DACH2: variants seen among roughly 807,000 people sequenced by gnomAD.
DACH2 encodes dachshund family transcription factor 2.
Under a neutral mutation model 35.8 loss-of-function variants are expected in DACH2, and 17 were observed. The observed-to-expected ratio is 0.48, with a 90% confidence interval of 0.33 to 0.71. The LOEUF (loss-of-function observed/expected upper bound fraction) is 0.71. DACH2 is among the 30% of genes least tolerant of loss of function. The pLI, the probability that DACH2 is intolerant of heterozygous loss-of-function variation, is 0.02. For missense variants in DACH2, 469 were observed against 472.7 expected (o/e 0.99, Z 0.07); for synonymous variants, 195 against 177.3 (o/e 1.10, Z -0.79).
At chrX:86,375,445 T>C (rs1406708409) in intron 1 of DACH2, among the ~76,000 whole-genome samples, 1 of 102,630 alleles carries the variant, frequency 9.7e-6, no homozygotes, top group Non-Finnish European at 2.0e-5. Flanking sequence ...AAAAAGTTTG[T>C]TGTGCTTAGA....
chrX:86,274,937 T>A (rs947165879), intron 1 of DACH2, among the ~76,000 whole-genome samples: 3 of 111,923 alleles, frequency 2.7e-5, no homozygotes, highest in African/African-American at 9.7e-5. Context: ...TCATCTTCAA[T>A]GAATACAAAA....
chrX:86,744,355 G>A (rs1378696243), intron 7 of DACH2, among the ~76,000 whole-genome samples: 1 of 110,548 alleles, frequency 9.0e-6, no homozygotes, highest in East Asian at 2.9e-4. Flanking sequence ...CATTTGTGAC[G>A]GTAAGAAAAA....
intron 4 of DACH2, among the ~76,000 whole-genome samples, chrX:86,658,416 A>G (rs187469716): frequency 9.0e-6 from 1 of 111,559 alleles, no homozygotes; most frequent in East Asian, 2.8e-4. Flanking sequence ...AAAAGCAAAT[A>G]TAGGAGTTAG....
chrX:86,767,926 TTTGTTTG>T (rs925795435), intron 7 of DACH2, among the ~76,000 whole-genome samples: 5 of 111,301 alleles, frequency 4.5e-5, no homozygotes, highest in African/African-American at 1.6e-4. Flanking sequence ...TGTTTGTTTG[TTTGTTTG>T]TTGTTTGTTT....
chrX:86,648,851 G>A (rs991096795), intron 3 of DACH2, among the ~76,000 whole-genome samples: 4 of 110,742 alleles, frequency 3.6e-5, no homozygotes, highest in Non-Finnish European at 7.6e-5. Context: ...TGTTATATAG[G>A]CTATACCTCT....
intron 1 of DACH2, among the ~76,000 whole-genome samples, chrX:86,357,527 G>A (rs753308574): frequency 8.9e-6 from 1 of 112,034 alleles, no homozygotes; most frequent in African/African-American, 3.2e-5. Flanking sequence ...GTAACTTTTA[G>A]GGTCATATTA....
chrX:86,268,490 A>ATTTTATTTTAT (rs1282194836), intron 1 of DACH2, among the ~76,000 whole-genome samples: 4 of 77,185 alleles, frequency 5.2e-5, no homozygotes. Flanking sequence ...CATTTAAAAC[A>ATTTTATTTTAT]TTTATTTTAT....
intron 1 of DACH2, among the ~76,000 whole-genome samples, chrX:86,313,823 G>A (rs1304439392): frequency 9.0e-6 from 1 of 111,574 alleles, no homozygotes; most frequent in Admixed American, 9.6e-5. Flanking sequence ...TTTTTAACAA[G>A]TTGTGGCAAC....
At chrX:86,661,559 A>G (rs1226116623) in intron 4 of DACH2, among the ~76,000 whole-genome samples, 1 of 112,538 alleles carries the variant, frequency 8.9e-6, no homozygotes, top group Non-Finnish European at 1.9e-5. Flanking sequence ...TTATGAAAAT[A>G]CTACATTTTG....
intron 2 of DACH2, among the ~76,000 whole-genome samples, chrX:86,498,843 C>A (rs1245276033): frequency 1.8e-5 from 2 of 111,543 alleles, no homozygotes; most frequent in Non-Finnish European, 1.9e-5. Flanking sequence ...CTCAAAAGTG[C>A]AAGATTTTTT....
At chrX:86,819,097 A>G (rs2042482690) in intron 11 of DACH2, among the ~76,000 whole-genome samples, 1 of 107,660 alleles carries the variant, frequency 9.3e-6, no homozygotes, top group Non-Finnish European at 1.9e-5. Flanking sequence ...TGGTTATTTC[A>G]TGTCTTTTAT....
intron 2 of DACH2, among the ~76,000 whole-genome samples, chrX:86,509,889 A>G (rs1260410711): frequency 8.9e-6 from 1 of 112,003 alleles, no homozygotes; most frequent in Non-Finnish European, 1.9e-5. Context: ...ATAACTCTGA[A>G]AAGTAAATCC....
At chrX:86,583,542 T>G (rs1569446496) in intron 3 of DACH2, among the ~76,000 whole-genome samples, 2 of 110,677 alleles carry the variant, frequency 1.8e-5, no homozygotes, top group African/African-American at 3.3e-5. Flanking sequence ...GCTGCTTTTT[T>G]TAAATTTTTT....
At chrX:86,564,190 T>C (rs1489775389) in intron 3 of DACH2, among the ~76,000 whole-genome samples, 1 of 111,205 alleles carries the variant, frequency 9.0e-6, no homozygotes, top group Non-Finnish European at 1.9e-5. Flanking sequence ...AATTCTGGGA[T>C]TACCTGAGTG....
chrX:86,442,083 G>A (rs2037173089), intron 2 of DACH2, among the ~76,000 whole-genome samples: 1 of 109,581 alleles, frequency 9.1e-6, no homozygotes, highest in African/African-American at 3.3e-5. Flanking sequence ...GCACAGGCTG[G>A]TCTCAAACTT....
At chrX:86,199,688 G>A (rs1384037112) in intron 1 of DACH2, among the ~76,000 whole-genome samples, 1 of 111,606 alleles carries the variant, frequency 9.0e-6, no homozygotes, top group Non-Finnish European at 1.9e-5. Context: ...AAAATACCTA[G>A]GCGGTAGCTA....
chrX:86,816,770 A>C (rs764254688), intron 11 of DACH2, among the ~76,000 whole-genome samples: 1 of 112,325 alleles, frequency 8.9e-6, no homozygotes, highest in South Asian at 3.7e-4. Context: ...GTGACCACTG[A>C]AAATTTTCCA....
At chrX:86,752,221 T>TA (rs930703533) in intron 7 of DACH2, among the ~76,000 whole-genome samples, 5 of 111,302 alleles carry the variant, frequency 4.5e-5, no homozygotes, top group African/African-American at 6.5e-5. Flanking sequence ...TTTGAAATGT[T>TA]AAAAAAACTA....
chrX:86,297,530 A>C (rs2034490892), intron 1 of DACH2, among the ~76,000 whole-genome samples: 1 of 111,643 alleles, frequency 9.0e-6, no homozygotes, highest in Non-Finnish European at 1.9e-5. Flanking sequence ...TGACAAGAGT[A>C]ATGACAAAAA....
Sources: allele counts gnomAD v4.1 joint callset (sites outside exome capture counted in the v4.1 genomes callset), GRCh38; gene constraint gnomAD v4.1.1; transcripts MANE v1.5; gene names NCBI Gene and HGNC (gene_info 2026-07-23, HGNC 2026-07-21).